The following MMP26 variants were observed in gnomAD, a reference collection of about 807,000 sequenced individuals.
MMP26 encodes matrix metallopeptidase 26.
Under a neutral mutation model 31.0 loss-of-function variants are expected in MMP26, and 33 were observed. The observed-to-expected ratio is 1.06, with a 90% CI of 0.81 to 1.42. MMP26 has a LOEUF of 1.42. MMP26 is among the 40% of genes most tolerant of loss of function. MMP26 has a pLI of 0.00. For missense variants in MMP26, 347 were observed against 316.1 expected, an observed-to-expected ratio of 1.10 and a Z score of -0.74; for synonymous variants, 122 against 114.9, an observed-to-expected ratio of 1.06 and a Z score of -0.40.
intron 2 of MMP26, among the ~76,000 whole-genome samples, chr11:4,987,431 G>GTTTTTT (rs1203184882): frequency 6.8e-6 from 1 of 146,744 alleles, no homozygotes; most frequent in Non-Finnish European, 1.5e-5. Context: ...TTTGTTTTTT[G>GTTTTTT]TTTTTGAGAC....
chr11:4,794,181 T>C (rs1205182188), intron 2 of MMP26: 1 of 152,216 alleles, frequency 6.6e-6, no homozygotes, highest in Non-Finnish European at 1.5e-5. Flanking sequence ...ATAGTAGGTC[T>C]AGGGCAAGAT....
intron 2 of MMP26, chr11:4,769,336 A>G (rs772609666): frequency 1.8e-5 from 29 of 1,613,726 alleles, no homozygotes; most frequent in Non-Finnish European, 2.5e-5. Flanking sequence ...TATTTGCCCG[A>G]ATGTCTGAAC....
At chr11:4,929,986 G>A (rs112072287) in intron 2 of MMP26, among the ~76,000 whole-genome samples, 195 of 152,084 alleles carry the variant, frequency 1.3e-3, no homozygotes, top group African/African-American at 4.4e-3. Context: ...ATTGAGAAAC[G>A]TTTTGTTCAA....
chr11:4,718,013 A>G (rs1165434231), intron 1 of MMP26, among the ~76,000 whole-genome samples: 1 of 152,230 alleles, frequency 6.6e-6, no homozygotes, highest in East Asian at 1.9e-4. Context: ...GCTATGTGGT[A>G]TGAAAATTTC....
intron 2 of MMP26, among the ~76,000 whole-genome samples, chr11:4,785,614 A>T (rs897729203): frequency 6.6e-6 from 1 of 152,180 alleles, no homozygotes; most frequent in Non-Finnish European, 1.5e-5. Flanking sequence ...CATTATTTTC[A>T]TAATTATCAT....
At chr11:4,713,941 T>C (rs1847893536) in intron 1 of MMP26, among the ~76,000 whole-genome samples, 1 of 152,054 alleles carries the variant, frequency 6.6e-6, no homozygotes, top group Non-Finnish European at 1.5e-5. Flanking sequence ...AGCCATGAAG[T>C]AGAATGAGCC....
chr11:4,960,325 ATTT>A (rs71050442), intron 2 of MMP26, among the ~76,000 whole-genome samples: 52,531 of 148,788 alleles, frequency 0.35, 9,276 homozygotes, highest in South Asian at 0.56. Context: ...TATGTGCCTG[ATTT>A]TTTTTTTTTC....
intron 1 of MMP26, among the ~76,000 whole-genome samples, chr11:4,712,864 C>T (rs2133267047): frequency 6.6e-6 from 1 of 151,526 alleles, no homozygotes; most frequent in South Asian, 2.1e-4. Context: ...ATCTATGTTA[C>T]ACTCTGAATT....
rs764615650 is a variant in MMP26, at chr11:4,848,341, G to A, written c.-145+81000G>A. On this transcript the variant is annotated intron_variant, in intron 2 of 7. Coordinates refer to ENST00000380390, the MANE Select transcript of MMP26 (RefSeq NM_021801.5). Reference sequence around the variant, plus strand: ...AGAATAGGGTTTATCAATGGAGGAAGAAGGAAATGGACATAGGATAGAAGA... The same window carrying A: ...AGAATAGGGTTTATCAATGGAGGAAAAAGGAAATGGACATAGGATAGAAGA... 22 of 1,614,028 alleles carry A rather than the reference G, an allele frequency of 1.4e-5. No homozygotes were observed. Among genetic ancestry groups the A allele is most frequent in the Non-Finnish European group, 1.8e-5 (21 of 1,180,020 alleles).
At chr11:4,946,709 G>A (rs1846314428) in intron 2 of MMP26, 1 of 1,590,366 alleles carries the variant, frequency 6.3e-7, no homozygotes, top group African/African-American at 1.4e-5. Flanking sequence ...GTATCTCAGA[G>A]GGTTGTGGAT....
At chr11:4,849,668 A>G (rs1381700596) in intron 2 of MMP26, among the ~76,000 whole-genome samples, 2 of 152,104 alleles carry the variant, frequency 1.3e-5, no homozygotes, top group African/African-American at 2.4e-5. Flanking sequence ...TTAAGTCCCC[A>G]ATTACTCCTT....
At chr11:4,872,855 A>G (rs1213444831) in intron 2 of MMP26, among the ~76,000 whole-genome samples, 2 of 152,026 alleles carry the variant, frequency 1.3e-5, no homozygotes, top group African/African-American at 4.8e-5. Flanking sequence ...AACTCTTTCC[A>G]TGGTCTACCA....
At chr11:4,856,870 G>C (rs919285040) in intron 2 of MMP26, among the ~76,000 whole-genome samples, 1 of 152,128 alleles carries the variant, frequency 6.6e-6, no homozygotes, top group Non-Finnish European at 1.5e-5. Flanking sequence ...ATAACAAACT[G>C]TCCCTCAGAC....
At chr11:4,964,575 C>G (rs1173457566) in intron 2 of MMP26, among the ~76,000 whole-genome samples, 1 of 151,976 alleles carries the variant, frequency 6.6e-6, no homozygotes, top group Non-Finnish European at 1.5e-5. Context: ...TCGGTATATA[C>G]CTAAAGGAAT....
intron 2 of MMP26, among the ~76,000 whole-genome samples, chr11:4,936,744 A>G (rs1846118741): frequency 6.6e-6 from 1 of 152,168 alleles, no homozygotes; most frequent in African/African-American, 2.4e-5. Context: ...TTTTTGTAAT[A>G]TGGGCCACTA....
chr11:4,859,474 A>T (rs952717352), intron 2 of MMP26: 1 of 351,960 alleles, frequency 2.8e-6, no homozygotes, highest in African/African-American at 2.1e-5. Flanking sequence ...CCTGTTATGT[A>T]TCTTCACCCA....
chr11:4,934,920 G>A (rs1443779505), intron 2 of MMP26, among the ~76,000 whole-genome samples: 1 of 151,484 alleles, frequency 6.6e-6, no homozygotes, highest in African/African-American at 2.4e-5. Flanking sequence ...GCTCCGTTCT[G>A]TTCCATTGAT....
At chr11:4,851,378 CT>C (rs1035772814) in intron 2 of MMP26, among the ~76,000 whole-genome samples, 3 of 152,092 alleles carry the variant, frequency 2.0e-5, no homozygotes, top group Non-Finnish European at 4.4e-5. Context: ...TTCTGGTCCT[CT>C]TTGGGGTAAT....
chr11:4,915,646 C>A (rs749701985), intron 2 of MMP26: 1 of 1,611,922 alleles, frequency 6.2e-7, no homozygotes, highest in Non-Finnish European at 8.5e-7. Flanking sequence ...TGCTGTTTCC[C>A]AGGGATCCCA....
Sources: gnomAD v4.1 joint callset for allele counts (sites outside exome capture counted in the v4.1 genomes callset) on GRCh38, gnomAD v4.1.1 for gene constraint, MANE v1.5 for transcripts, NCBI Gene and HGNC (gene_info 2026-07-23, HGNC 2026-07-21) for gene names.